The following TP53BP2 variants were observed in gnomAD, a reference collection of about 807,000 sequenced individuals.
TP53BP2 encodes tumor protein p53 binding protein 2.
TP53BP2 carries 62 observed loss-of-function variants against 126.2 expected under a neutral mutation model. The ratio of observed to expected loss-of-function variants is 0.49; its 90% CI spans 0.40 to 0.61. TP53BP2 has a LOEUF of 0.61. Ranked by LOEUF, TP53BP2 falls within the 20% of genes least tolerant of loss-of-function variation. The pLI, the probability that TP53BP2 is intolerant of heterozygous loss-of-function variation, is 0.00. For missense variants in TP53BP2, 1,215 were observed against 1,402.8 expected, an observed-to-expected ratio of 0.87 and a Z score of 2.14; for synonymous variants, 485 against 502.9, an observed-to-expected ratio of 0.96 and a Z score of 0.48.
At chr1:223,827,902 C>G (rs1663557879) in intron 1 of TP53BP2, among the ~76,000 whole-genome samples, 2 of 152,022 alleles carry the variant, frequency 1.3e-5, no homozygotes, top group Non-Finnish European at 2.9e-5. Flanking sequence ...TGCTACCATC[C>G]TTTTATCTTT....
Position 223,845,766 on chromosome 1 carries a change from G to T in TP53BP2, c.-86C>A. 1 of 1,356,184 alleles carries T rather than the reference G, an allele frequency of 7.4e-7. No individual in the cohort carries two copies. 84.0% of individuals were successfully genotyped at this position (1,356,184 alleles called of 1,614,324 possible). A position where few individuals can be genotyped will look rare whatever the true frequency, so the allele number is the denominator to read the frequency against. ...GCGGGGGAGGGGAGCGGAGAGCGAG[G>T]CCGCCCGGACCTGTTGCGAGGCGGC... is the stretch of plus-strand genomic sequence containing the variant. On this transcript the variant is annotated 5_prime_UTR_variant, in exon 1 of 18. Transcript: ENST00000343537.
intron 17 of TP53BP2, among the ~76,000 whole-genome samples, chr1:223,783,106 T>C (rs1661828834): frequency 6.6e-6 from 1 of 152,194 alleles, no homozygotes; most frequent in Non-Finnish European, 1.5e-5. Flanking sequence ...GTTCATCACC[T>C]AGATGCCAGA....
In TP53BP2 at chr1:223,821,290, T is replaced by C. The variant is rs753427088; in HGVS notation, c.105A>G (p.Arg35=). The C allele has an allele frequency of 6.2e-7, 1 of 1,614,074 alleles. No homozygotes were observed. The highest frequency in any genetic ancestry group is 8.5e-7 in the Non-Finnish European group (1 of 1,179,892). ...GTTCTTTGCACAGATCCACCACGTC[T>C]CTGCATATTGTTTCTGGAGTAACTG... is the stretch of plus-strand genomic sequence containing the variant. ...EVPVTPETIC[R]DVVDLCKEPG... is the part of the protein sequence containing the mutation. Residue 35 remains arginine, a synonymous_variant, in exon 2 of 18, where the codon AGA becomes AGG. Transcript: ENST00000343537.
At position 223,796,056 on chromosome 1, in the gene TP53BP2, T is replaced by C; in HGVS notation, c.2483A>G (p.Asp828Gly). 6.2e-7 allele frequency: 1 copy of C among 1,614,182 alleles called. No individual in the cohort carries two copies. The highest frequency in any genetic ancestry group is 8.5e-7 in the Non-Finnish European group (1 of 1,180,026). ...AAGGCCTGGAGAAGGAGCTGGCATGTCACTGTTCTCTGTACTGGCATTCCC... is the reference window on the plus strand; with the variant it reads ...AAGGCCTGGAGAAGGAGCTGGCATGCCACTGTTCTCTGTACTGGCATTCCC... ...DVGNASTENS[D>G]MPAPSPGLDY... The change falls in exon 13 of 18, where the codon GAC becomes GGC. Residue 828 changes from aspartate to glycine, a missense_variant. Coordinates refer to ENST00000343537, the MANE Select transcript of TP53BP2 (RefSeq NM_001031685.3). The surrounding 1 kb of genome is among the most constrained non-coding windows in gnomAD (Gnocchi z 4.2).
Position 223,795,089 on chromosome 1 carries a change from C to G in TP53BP2, c.2724+726G>C, listed in dbSNP as rs75372791. Among the ~76,000 whole-genome samples the G allele has an allele frequency of 6.9e-3, 1,044 of 152,314 alleles. 10 individuals carry two copies. Among genetic ancestry groups the G allele is most frequent in the African/African-American group, 0.024 (1,009 of 41,574 alleles). Reference sequence around the variant, plus strand: ...TTCTGGGATTTTTATTTTCTCTCACCTATGTCAAAGTGAGAGGATGGAAGC... The same window carrying G: ...TTCTGGGATTTTTATTTTCTCTCACGTATGTCAAAGTGAGAGGATGGAAGC... On this transcript the variant is annotated intron_variant, in intron 13 of 17. Transcript: ENST00000343537.
intron 2 of TP53BP2, among the ~76,000 whole-genome samples, chr1:223,816,852 T>TAAA (rs201147138): frequency 2.1e-5 from 3 of 139,900 alleles, no homozygotes; most frequent in Non-Finnish European, 3.1e-5. Flanking sequence ...ATATACACAT[T>TAAA]AAAAAAAAAA....
intron 17 of TP53BP2, among the ~76,000 whole-genome samples, chr1:223,782,129 A>C (rs1661796310): frequency 6.6e-6 from 1 of 152,178 alleles, no homozygotes; most frequent in African/African-American, 2.4e-5. Flanking sequence ...AAAATCACTA[A>C]TAGATGTTCT....
At chr1:223,835,567 G>A (rs1663895194) in intron 1 of TP53BP2, among the ~76,000 whole-genome samples, 1 of 152,142 alleles carries the variant, frequency 6.6e-6, no homozygotes, top group Non-Finnish European at 1.5e-5. Flanking sequence ...ACATTTTTAA[G>A]ATCTATCCGT....
At chr1:223,813,721 A>G (rs973748118) in intron 3 of TP53BP2, among the ~76,000 whole-genome samples, 6 of 151,988 alleles carry the variant, frequency 3.9e-5, no homozygotes, top group African/African-American at 1.5e-4. Flanking sequence ...TCTAATCTCA[A>G]CTGGCCTCAA....
At chr1:223,833,266 C>G (rs939084666) in intron 1 of TP53BP2, among the ~76,000 whole-genome samples, 2 of 152,212 alleles carry the variant, frequency 1.3e-5, no homozygotes, top group Non-Finnish European at 2.9e-5. Context: ...CCATCAGTTC[C>G]TATCAGTTAC....
At chr1:223,784,899 T>C (rs1228233604) in intron 16 of TP53BP2, among the ~76,000 whole-genome samples, 1 of 152,166 alleles carries the variant, frequency 6.6e-6, no homozygotes. Context: ...TAATCAACTC[T>C]AATATAGTAA....
chr1:223,796,987 G>A lies in TP53BP2; in HGVS notation c.1949-397C>T, dbSNP rs147322414. Among the ~76,000 whole-genome samples, 129 of 152,256 alleles carry A rather than the reference G, an allele frequency of 8.5e-4. No individual in the cohort carries two copies. Among genetic ancestry groups the A allele is most frequent in the Non-Finnish European group, 1.6e-3 (110 of 68,010 alleles). ...CTATCCCATCTTTCACTTTTCAAAAGTGAATCAACGTGAGAACTTCTATTT... is the reference window on the plus strand; with the variant it reads ...CTATCCCATCTTTCACTTTTCAAAAATGAATCAACGTGAGAACTTCTATTT... On this transcript the variant is annotated intron_variant, in intron 12 of 17. Transcript: ENST00000343537. The surrounding 1 kb of genome is among the most constrained non-coding windows in gnomAD (Gnocchi z 4.2).
In TP53BP2 at chr1:223,793,285, T is replaced by C. The variant is rs977033364; in HGVS notation, c.2862+18A>G. 2.6e-6 allele frequency: 4 copies of C among 1,529,028 alleles called. No individual in the cohort carries two copies. The highest frequency in any genetic ancestry group is 3.5e-6 in the Non-Finnish European group (4 of 1,142,884). 94.7% of individuals were successfully genotyped at this position (1,529,028 alleles called of 1,614,324 possible). ...AGACTCTGACTCAAAAAAAAAAATT[T>C]ACTAATTATAATCATACCTCATAAA... On this transcript the variant is annotated intron_variant, in intron 14 of 17. Transcript: ENST00000343537.
Position 223,796,451 on chromosome 1 carries a change from G to A in TP53BP2, c.2088C>T (p.Asn696=), listed in dbSNP as rs140418229. ...GGCTGAGTGGCCGAGGAATTCTTTC[G>A]TTTTCATGGTTCTCCTGAACTGAAG... is the stretch of plus-strand genomic sequence containing the variant. ...PVSSVQENHE[N]ERIPRPLSPT... is the part of the protein sequence containing the mutation. Residue 696 remains asparagine (N), a synonymous_variant, in exon 13 of 18, where the codon AAC becomes AAT. Coordinates refer to ENST00000343537, the MANE Select transcript of TP53BP2 (RefSeq NM_001031685.3). This position sits in a 1 kb window ranked among gnomAD's most constrained non-coding sequence, Gnocchi z 4.2. The A allele has an allele frequency of 2.6e-5, 42 of 1,614,012 alleles. No individual in the cohort carries two copies. The highest frequency in any genetic ancestry group is 3.0e-5 in the Non-Finnish European group (35 of 1,180,038).
rs529978489 is a variant in TP53BP2, at chr1:223,811,662, T to C, written c.290-1149A>G. Reference sequence around the variant, plus strand: ...AGCAATAAGAGCCTTAAACATAATTTCATATACATTCAGGGTCACAGGTCC... The same window carrying C: ...AGCAATAAGAGCCTTAAACATAATTCCATATACATTCAGGGTCACAGGTCC... On this transcript the variant is annotated intron_variant, in intron 3 of 17. Transcript: ENST00000343537. Among the ~76,000 whole-genome samples the C allele has an allele frequency of 5.9e-5, 9 of 152,334 alleles. No individual in the cohort carries two copies. The South Asian group carries it at 1.9e-3, about 32-fold the overall frequency.
chr1:223,842,816 T>A (rs966032110), intron 1 of TP53BP2, among the ~76,000 whole-genome samples: 2 of 152,222 alleles, frequency 1.3e-5, no homozygotes, highest in Non-Finnish European at 2.9e-5. Context: ...AAATACAACA[T>A]GCGGATCACT....
chr1:223,792,621 CTT>C, intron 14 of TP53BP2, 99 bp from the exon 15 acceptor site: 1 of 1,164,284 alleles, frequency 8.6e-7, no homozygotes, highest in Admixed American at 2.4e-5. Flanking sequence ...GAAATGGACT[CTT>C]GTGACACTTT....
chr1:223,842,003 G>T (rs111394095), intron 1 of TP53BP2, among the ~76,000 whole-genome samples: 1 of 149,622 alleles, frequency 6.7e-6, no homozygotes, highest in African/African-American at 2.5e-5. Context: ...TTCAAGATTC[G>T]CGATCTCGGC....
intron 7 of TP53BP2, 169 bp from the exon 8 acceptor site, chr1:223,803,064 C>T (rs1274567357): frequency 2.3e-6 from 2 of 879,912 alleles, no homozygotes; most frequent in Admixed American, 5.6e-5. Context: ...TGCAAGACCA[C>T]CAGCTGTGGT....
Sources: allele counts gnomAD v4.1 joint callset (sites outside exome capture counted in the v4.1 genomes callset), GRCh38; gene constraint gnomAD v4.1.1; non-coding constraint Gnocchi (gnomAD v3.1); transcripts MANE v1.5; gene names NCBI Gene and HGNC (gene_info 2026-07-23, HGNC 2026-07-21).